LINC00305: variants seen among roughly 807,000 people sequenced by gnomAD.
LINC00305 encodes long intergenic non-protein coding RNA 305.
At chr18:64,131,815 G>C (rs990489562) in intron 1 of LINC00305, among the ~76,000 whole-genome samples, 2 of 152,194 alleles carry the variant, frequency 1.3e-5, no homozygotes, top group Non-Finnish European at 2.9e-5. Flanking sequence ...AATTGTGGAA[G>C]GCAATGTGCT....
chr18:64,082,709 T>C (rs1325694637), intron 3 of LINC00305, among the ~76,000 whole-genome samples: 1 of 152,192 alleles, frequency 6.6e-6, no homozygotes, highest in Non-Finnish European at 1.5e-5. Context: ...ACTAACTATA[T>C]TATCTTGTTT....
chr18:64,113,012 G>A (rs2051321857), intron 1 of LINC00305, among the ~76,000 whole-genome samples: 1 of 152,204 alleles, frequency 6.6e-6, no homozygotes, highest in South Asian at 2.1e-4. Flanking sequence ...GAAACTGACA[G>A]TAAGAGGTGT....
chr18:64,128,242 A>AG (rs1364544209), intron 1 of LINC00305, among the ~76,000 whole-genome samples: 2 of 152,092 alleles, frequency 1.3e-5, no homozygotes, highest in African/African-American at 4.8e-5. Context: ...AAGATTCCTG[A>AG]GCTACTTGTG....
chr18:64,103,827 T>C (rs1035058067), intron 1 of LINC00305, among the ~76,000 whole-genome samples: 2 of 152,248 alleles, frequency 1.3e-5, no homozygotes, highest in East Asian at 3.8e-4. Context: ...GCTTAGATAC[T>C]AGAGTCAGTG....
intron 1 of LINC00305, among the ~76,000 whole-genome samples, chr18:64,102,611 A>G (rs1225023416): frequency 6.6e-6 from 1 of 152,164 alleles, no homozygotes; most frequent in Non-Finnish European, 1.5e-5. Context: ...AGACTGGGTA[A>G]CTTATAAAGA....
At chr18:64,120,198 A>C (rs2051355603) in intron 1 of LINC00305, among the ~76,000 whole-genome samples, 2 of 152,298 alleles carry the variant, frequency 1.3e-5, no homozygotes, top group African/African-American at 4.8e-5. Flanking sequence ...GAGCATAATT[A>C]GCAGAGAAAC....
rs1568120084 is a variant in LINC00305, at chr18:64,143,579, TATGTACA to T, written n.314+5189_314+5195del. On this transcript the variant is annotated intron_variant and non_coding_transcript_variant, in intron 1 of 3. Coordinates refer to ENST00000666468, the Ensembl canonical transcript of LINC00305. ...ATGTGTACATATATACACATATGTA[TATGTACA>T]TATGTACACATATGTATATGTACAT... Among the ~76,000 whole-genome samples, 11 of 111,910 alleles carry T rather than the reference TATGTACA, an allele frequency of 9.8e-5. 1 individual carries two copies. Among genetic ancestry groups the T allele is most frequent in the East Asian group, 4.2e-4 (2 of 4,716 alleles). The allele number at this position is 111,910 out of a possible 152,430, so 73.4% of individuals were successfully genotyped here.
chr18:64,109,219 A>C (rs1193494613), intron 1 of LINC00305, among the ~76,000 whole-genome samples: 1 of 152,218 alleles, frequency 6.6e-6, no homozygotes, highest in African/African-American at 2.4e-5. Context: ...ACCAATACAA[A>C]GTTGTTTAAT....
chr18:64,089,190 G>T (rs748948466), intron 3 of LINC00305, among the ~76,000 whole-genome samples: 1 of 152,176 alleles, frequency 6.6e-6, no homozygotes, highest in Non-Finnish European at 1.5e-5. Flanking sequence ...GGATCATGGG[G>T]GCGGTTTTCC....
At chr18:64,141,469 C>T (rs937010867) in intron 1 of LINC00305, among the ~76,000 whole-genome samples, 2 of 151,944 alleles carry the variant, frequency 1.3e-5, no homozygotes, top group Admixed American at 1.3e-4. Context: ...AAAAGATAAT[C>T]GTTGTAGAAA....
chr18:64,133,697 T>A (rs1011837677), intron 1 of LINC00305, among the ~76,000 whole-genome samples: 2 of 152,196 alleles, frequency 1.3e-5, no homozygotes, highest in African/African-American at 4.8e-5. Context: ...ACATACTCCA[T>A]GGTAAAAATC....
intron 1 of LINC00305, among the ~76,000 whole-genome samples, chr18:64,143,477 T>C: frequency 1.4e-5 from 1 of 69,998 alleles, no homozygotes; most frequent in Non-Finnish European, 2.8e-5. Flanking sequence ...CTGAAAAGCA[T>C]TGATGGTGTG....
At chr18:64,132,477 G>A (rs1187629868) in intron 1 of LINC00305, among the ~76,000 whole-genome samples, 2 of 151,988 alleles carry the variant, frequency 1.3e-5, no homozygotes, top group Admixed American at 6.6e-5. Flanking sequence ...CCGTACATAC[G>A]TCACCTTGTA....
chr18:64,131,965 A>G (rs1216064846), intron 1 of LINC00305, among the ~76,000 whole-genome samples: 3 of 152,180 alleles, frequency 2.0e-5, no homozygotes, highest in African/African-American at 7.2e-5. Flanking sequence ...TAATTTTTGT[A>G]GCCTGCTTCT....
intron 1 of LINC00305, among the ~76,000 whole-genome samples, chr18:64,135,635 G>C (rs2051429718): frequency 6.6e-6 from 1 of 152,122 alleles, no homozygotes; most frequent in Admixed American, 6.6e-5. Flanking sequence ...GCCCAGGCTG[G>C]AGTGCAGTGG....
At chr18:64,080,218 A>C in exon 4 of LINC00305, 1 of 339,152 alleles carries the variant, frequency 2.9e-6, no homozygotes, top group Non-Finnish European at 5.9e-6. Flanking sequence ...CCGTTTATCC[A>C]AAGGTGCTTC....
intron 1 of LINC00305, among the ~76,000 whole-genome samples, chr18:64,100,966 T>C (rs1442761495): frequency 6.6e-6 from 1 of 152,174 alleles, no homozygotes; most frequent in African/African-American, 2.4e-5. Context: ...CTTTCTAGGA[T>C]TCCTCTGTGA....
chr18:64,084,279 T>C (rs2051195144), intron 3 of LINC00305, among the ~76,000 whole-genome samples: 1 of 152,188 alleles, frequency 6.6e-6, no homozygotes, highest in Non-Finnish European at 1.5e-5. Context: ...TTTTTTATCC[T>C]TTCTAACCCC....
intron 1 of LINC00305, among the ~76,000 whole-genome samples, chr18:64,124,292 A>C (rs1389317051): frequency 6.6e-6 from 1 of 152,120 alleles, no homozygotes; most frequent in Non-Finnish European, 1.5e-5. Flanking sequence ...GCCAGCCTGC[A>C]GTTCTGTATC....
Sources: allele counts gnomAD v4.1 joint callset (sites outside exome capture counted in the v4.1 genomes callset), GRCh38; gene constraint gnomAD v4.1.1; transcripts MANE v1.5; gene names NCBI Gene and HGNC (gene_info 2026-07-23, HGNC 2026-07-21).